Variants in MTDH observed in about 807,000 individuals in gnomAD.
MTDH encodes the protein protein LYRIC.
A neutral mutation model predicts 72.7 loss-of-function variants in MTDH; 34 were observed. The ratio of observed to expected loss-of-function variants is 0.47; its 90% CI spans 0.36 to 0.62. MTDH has a LOEUF of 0.62. MTDH is among the 20% of genes least tolerant of loss of function. The pLI is 0.00. For synonymous variants in MTDH, 266 were observed against 268.9 expected, an observed-to-expected ratio of 0.99 and a Z score of 0.10; for missense variants, 677 against 699.4, an observed-to-expected ratio of 0.97 and a Z score of 0.36.
chr8:97,722,989 T>G lies in MTDH; in HGVS notation c.1632T>G (p.Asp544Glu). The change falls in exon 11 of 12, where the codon GAT (aspartate) becomes GAG (glutamate). Residue 544 changes from aspartate (D) to glutamate (E), a missense_variant. Physicochemically the swap from Asp to Glu is conservative, Grantham distance 45. Coordinates refer to ENST00000336273, the MANE Select transcript of MTDH (RefSeq NM_178812.4). Reference protein sequence around the residue: ...SQVPPILQETDKSKSNTKQNS... With the variant: ...SQVPPILQETEKSKSNTKQNS... The stretch of plus-strand genomic sequence containing the variant: ...TGCCGCCAATACTACAAGAGACAGA[T>G]AAATCCAAGTCAAATACCAAGCAAA... 1.2e-6 allele frequency: 2 copies of G among 1,614,116 alleles called. No homozygotes were observed. Among genetic ancestry groups the G allele is most frequent in the Non-Finnish European group, 1.7e-6 (2 of 1,179,994 alleles).
At chr8:97,670,371 C>T (rs1386121096) in intron 2 of MTDH, among the ~76,000 whole-genome samples, 1 of 152,074 alleles carries the variant, frequency 6.6e-6, no homozygotes, top group African/African-American at 2.4e-5. Context: ...GTAATTCCAG[C>T]ACTTTGGGAG....
chr8:97,678,367 A>C (rs556948751), intron 2 of MTDH, among the ~76,000 whole-genome samples: 1 of 152,340 alleles, frequency 6.6e-6, no homozygotes, highest in South Asian at 2.1e-4. Context: ...GAAAACTATG[A>C]TGACAAAAGA....
intron 6 of MTDH, among the ~76,000 whole-genome samples, chr8:97,697,140 AT>A (rs1183761754): frequency 1.3e-5 from 1 of 78,900 alleles, no homozygotes; most frequent in Non-Finnish European, 2.2e-5. Flanking sequence ...ATATATATAT[AT>A]ATATATATAT....
Position 97,677,004 on chromosome 8 carries a change from CAAAA to C in MTDH, c.484-9646_484-9643del, listed in dbSNP as rs57430782. On this transcript the variant is annotated intron_variant, in intron 2 of 11. Coordinates refer to ENST00000336273, the MANE Select transcript of MTDH (RefSeq NM_178812.4). ...TGGGCGACAGAGTGAGACTCTATCT[CAAAA>C]AAAAAAAAAAAAAAAAATACAAAAA... Among the ~76,000 whole-genome samples the C allele has an allele frequency of 1.9e-3, 44 of 23,320 alleles. 2 individuals are homozygous for C. The highest frequency in any genetic ancestry group is 3.0e-3 in the South Asian group (1 of 328). 15.3% of individuals were successfully genotyped at this position (23,320 alleles called of 152,430 possible).
intron 4 of MTDH, 86 bp downstream of exon 4, chr8:97,687,691 A>G: frequency 1.7e-6 from 2 of 1,170,734 alleles, no homozygotes; most frequent in Non-Finnish European, 1.2e-6. Flanking sequence ...TCAAAATCTG[A>G]CTATTTTGAA....
chr8:97,683,590 C>T (rs1813228318), intron 2 of MTDH, among the ~76,000 whole-genome samples: 1 of 151,688 alleles, frequency 6.6e-6, no homozygotes. Context: ...GAGAATCTCC[C>T]TGTGTGTTGC....
At chr8:97,664,922 A>G (rs1005884340) in intron 2 of MTDH, among the ~76,000 whole-genome samples, 1 of 151,930 alleles carries the variant, frequency 6.6e-6, no homozygotes, top group Non-Finnish European at 1.5e-5. Flanking sequence ...CACCACGCCC[A>G]GCTATTTTTT....
At chr8:97,652,274 T>C (rs1563519991) in intron 1 of MTDH, among the ~76,000 whole-genome samples, 1 of 152,228 alleles carries the variant, frequency 6.6e-6, no homozygotes, top group Non-Finnish European at 1.5e-5. Context: ...GTGAGTTTCC[T>C]GTCATTTGCT....
intron 5 of MTDH, 129 bp from the exon 6 acceptor site, chr8:97,690,823 C>T (rs1813574739): frequency 4.5e-6 from 3 of 664,398 alleles, no homozygotes; most frequent in Admixed American, 6.1e-5. Context: ...TAAGGCAATC[C>T]TTGGTGATCA....
chr8:97,674,669 A>G (rs932240733), intron 2 of MTDH, among the ~76,000 whole-genome samples: 2 of 152,268 alleles, frequency 1.3e-5, no homozygotes, highest in African/African-American at 4.8e-5. Context: ...TAATATTACA[A>G]AAATGAAAAT....
chr8:97,693,367 C>T (rs748007360), intron 6 of MTDH, among the ~76,000 whole-genome samples: 4 of 152,070 alleles, frequency 2.6e-5, no homozygotes, highest in Non-Finnish European at 5.9e-5. Flanking sequence ...GACGGAGTCT[C>T]GCTCTGTCGC....
Position 97,691,018 on chromosome 8 carries a change from T to C in MTDH, c.878T>C (p.Leu293Pro), listed in dbSNP as rs749496099. Residue 293 changes from leucine (L) to proline (P), a missense_variant, in exon 6 of 12, where the codon CTC becomes CCC. Leu to Pro is a moderately conservative substitution (Grantham distance 98, BLOSUM62 -3). This residue lies in a region of MTDH where 467 missense variants were observed against 469.1 expected (regional missense o/e 1.00). Coordinates refer to ENST00000336273, the MANE Select transcript of MTDH (RefSeq NM_178812.4). Reference protein sequence around the residue: ...GGGWNEKSVKLSSQISAGEEK... With the variant: ...GGGWNEKSVKPSSQISAGEEK... ...GGCTGGAATGAAAAGTCTGTAAAACTCTCCTCACAGATCAGTGCAGGTGAG... is the reference window on the plus strand; with the variant it reads ...GGCTGGAATGAAAAGTCTGTAAAACCCTCCTCACAGATCAGTGCAGGTGAG... 5.6e-6 allele frequency: 9 copies of C among 1,614,000 alleles called. No homozygotes were observed. The Admixed American group carries it at 1.5e-4, about 27-fold the overall frequency.
chr8:97,677,872 A>G (rs1812919109), intron 2 of MTDH, among the ~76,000 whole-genome samples: 1 of 152,172 alleles, frequency 6.6e-6, no homozygotes, highest in Non-Finnish European at 1.5e-5. Flanking sequence ...AAATGACTGG[A>G]TGCATTTCTT....
At chr8:97,697,150 A>ATATATATATATTTT in intron 6 of MTDH, among the ~76,000 whole-genome samples, 3 of 68,798 alleles carry the variant, frequency 4.4e-5, no homozygotes, top group African/African-American at 1.8e-4. Context: ...ATATATATAT[A>ATATATATATATTTT]TTTTTTTTTT....
rs1318548070 is a variant in MTDH at position 97,724,711 on chromosome 8, G to T, written c.*41G>T. The T allele has an allele frequency of 3.5e-6, 5 of 1,435,200 alleles. No homozygotes were observed. The African/African-American group carries it at 5.7e-5, about 16-fold the overall frequency. The allele number at this position is 1,435,200 out of a possible 1,614,324, so 88.9% of individuals were successfully genotyped here. ...ATTGGACATGTGTTTGCAAACACTT[G>T]TCTTGAAGATTATGCTGTTTATGCA... is the stretch of plus-strand genomic sequence containing the variant. On this transcript the variant is annotated 3_prime_UTR_variant, in exon 12 of 12. Coordinates refer to ENST00000336273, the MANE Select transcript of MTDH (RefSeq NM_178812.4).
chr8:97,689,833 G>A (rs1320164988), intron 5 of MTDH, among the ~76,000 whole-genome samples: 6 of 149,810 alleles, frequency 4.0e-5, no homozygotes, highest in South Asian at 2.1e-4. Context: ...TCAGCCTCCC[G>A]AGTAGCAGGG....
chr8:97,669,257 C>T (rs556258965), intron 2 of MTDH, among the ~76,000 whole-genome samples: 46 of 152,172 alleles, frequency 3.0e-4, no homozygotes, highest in East Asian at 2.1e-3. Flanking sequence ...TCAAGCAATT[C>T]TCCTGCCTCA....
At chr8:97,708,369 C>A (rs1010308145) in intron 8 of MTDH, among the ~76,000 whole-genome samples, 1 of 143,930 alleles carries the variant, frequency 6.9e-6, no homozygotes, top group African/African-American at 2.6e-5. Flanking sequence ...GCAACCTCCC[C>A]CTCCCAGGTT....
At chr8:97,672,040 C>T (rs993383177) in intron 2 of MTDH, among the ~76,000 whole-genome samples, 2 of 152,168 alleles carry the variant, frequency 1.3e-5, no homozygotes, top group African/African-American at 4.8e-5. Context: ...AGAATATCTG[C>T]ATGCCCAAAG....
Sources: allele counts gnomAD v4.1 joint callset (sites outside exome capture counted in the v4.1 genomes callset), GRCh38; gene constraint gnomAD v4.1.1; regional missense constraint gnomAD v4.1.1; transcripts MANE v1.5; gene names NCBI Gene and HGNC (gene_info 2026-07-23, HGNC 2026-07-21).